The following MAPKBP1 variants were observed in gnomAD, a reference collection of about 807,000 sequenced individuals.
MAPKBP1 encodes the protein mitogen-activated protein kinase-binding protein 1.
MAPKBP1 carries 71 observed loss-of-function variants against 170.5 expected under a neutral mutation model. The observed-to-expected ratio is 0.42, with a 90% CI of 0.34 to 0.51. The LOEUF (loss-of-function observed/expected upper bound fraction) is 0.51. MAPKBP1 is among the 20% of genes least tolerant of loss of function. The pLI, the probability that MAPKBP1 is intolerant of heterozygous loss-of-function variation, is 0.06. For synonymous variants in MAPKBP1, 719 were observed against 757.9 expected (o/e 0.95, Z 0.84); for missense variants, 1,598 against 1,933.0 (o/e 0.83, Z 3.25).
chr15:41,786,530 C>T (rs951278283), intron 2 of MAPKBP1, among the ~76,000 whole-genome samples: 6 of 151,132 alleles, frequency 4.0e-5, no homozygotes, highest in Non-Finnish European at 7.4e-5. Context: ...TTTGGGAGGC[C>T]AAGGCGGGCG....
At chr15:41,821,416 T>C (rs559604607) in intron 23 of MAPKBP1, 168 bp from the exon 24 acceptor site, 4 of 659,224 alleles carry the variant, frequency 6.1e-6, no homozygotes, top group Admixed American at 5.6e-5. Flanking sequence ...GGCTTCTCGA[T>C]GTCTGTCCTT....
At chr15:41,777,178 T>C (rs867270990) in intron 2 of MAPKBP1, among the ~76,000 whole-genome samples, 1 of 151,922 alleles carries the variant, frequency 6.6e-6, no homozygotes, top group South Asian at 2.1e-4. Context: ...TCATCTCTAC[T>C]AAAAATACAA....
chr15:41,818,897 G>T lies in MAPKBP1; in HGVS notation c.2231G>T (p.Arg744Leu). Residue 744 changes from arginine to leucine, a missense_variant, in exon 20 of 31, where the codon CGT becomes CTT. Arg to Leu is a moderately radical substitution (Grantham distance 102). This residue lies in a region of MAPKBP1 where 63 missense variants were observed against 115.2 expected (regional missense o/e 0.55). Coordinates refer to ENST00000457542, the MANE Select transcript of MAPKBP1 (RefSeq NM_014994.3). This position sits in a 1 kb window ranked among gnomAD's most constrained non-coding sequence, Gnocchi z 5.2. ...CAGCGTCTGGCCGAGTTGCGCCAGC[G>T]TCAGCGGGGCGGCAAGCAGCAAGGA... ...MRQRLAELRQRQRGGKQQGPS... is the reference protein window; with the variant it reads ...MRQRLAELRQLQRGGKQQGPS... 1 of 1,614,228 alleles carries T rather than the reference G, an allele frequency of 6.2e-7. No individual in the cohort carries two copies. Among genetic ancestry groups the T allele is most frequent in the Non-Finnish European group, 8.5e-7 (1 of 1,180,048 alleles).
At position 41,818,671 on chromosome 15, in the gene MAPKBP1, G is replaced by A; in HGVS notation, c.2156+89G>A. Reference sequence around the variant, plus strand: ...CTCTCTCCATTTCAGTGATGTCTCTGGGAAGTGGGGTTAACAGGGATAGCT... The same window carrying A: ...CTCTCTCCATTTCAGTGATGTCTCTAGGAAGTGGGGTTAACAGGGATAGCT... On this transcript the variant is annotated intron_variant, in intron 19 of 30. Transcript: ENST00000457542. This position sits in a 1 kb window ranked among gnomAD's most constrained non-coding sequence, Gnocchi z 5.2. The A allele has an allele frequency of 1.3e-6, 2 of 1,504,394 alleles. No individual in the cohort carries two copies. The highest frequency in any genetic ancestry group is 9.1e-7 in the Non-Finnish European group (1 of 1,101,480). The allele number at this position is 1,504,394 out of a possible 1,614,324, so 93.2% of individuals were successfully genotyped here.
At chr15:41,786,777 A>AAAATATATATATATATATATATATATAT in intron 2 of MAPKBP1, among the ~76,000 whole-genome samples, 3 of 32,444 alleles carry the variant, frequency 9.2e-5, no homozygotes, top group Non-Finnish European at 1.7e-4. Flanking sequence ...AAAAAAAAAA[A>AAAATATATATATATATATATATATATAT]ATATATATAT....
intron 27 of MAPKBP1, 36 bp downstream of exon 27, chr15:41,822,713 G>GCTCTC (rs1456285536): frequency 1.9e-6 from 3 of 1,607,206 alleles, no homozygotes; most frequent in African/African-American, 1.3e-5. Flanking sequence ...AGCAGCTCTG[G>GCTCTC]CTCTCCTCGC....
chr15:41,813,203 G>C, intron 8 of MAPKBP1, 102 bp downstream of exon 8: 1 of 1,532,476 alleles, frequency 6.5e-7, no homozygotes, highest in African/African-American at 1.4e-5. Flanking sequence ...TTGTGCATAC[G>C]GGAGATCCCA....
In MAPKBP1 at chr15:41,819,712, C is replaced by T. The variant is rs2064962034; in HGVS notation, c.2481+62C>T. The T allele has an allele frequency of 3.9e-6, 6 of 1,528,680 alleles. No homozygotes were observed. In the South Asian group the frequency reaches 7.2e-5, roughly 18 times the overall value. The allele number at this position is 1,528,680 out of a possible 1,614,324, so 94.7% of individuals were successfully genotyped here. On this transcript the variant is annotated intron_variant, in intron 22 of 30. Transcript: ENST00000457542. ...GAGGAGGCAAAGGGAGCTGTGAGAACAGGGCTCTCTGGGCCTGGTAGGGTA... is the reference window on the plus strand; with the variant it reads ...GAGGAGGCAAAGGGAGCTGTGAGAATAGGGCTCTCTGGGCCTGGTAGGGTA...
In MAPKBP1 at chr15:41,803,917, C is replaced by T. The variant is rs186157231; in HGVS notation, c.206+4003C>T. Among the ~76,000 whole-genome samples, 650 of 152,006 alleles carry T rather than the reference C, an allele frequency of 4.3e-3. 5 individuals carry two copies. The highest frequency in any genetic ancestry group is 0.015 in the African/African-American group (611 of 41,484). ...GTGCAATGGCACGATCTCAGCTCAC[C>T]GCAACCTCCGCCTCCTGGGTTCAAG... On this transcript the variant is annotated intron_variant, in intron 3 of 30. Transcript: ENST00000457542.
Position 41,784,893 on chromosome 15 carries a change from T to TG in MAPKBP1, c.114+9504_114+9505insG, listed in dbSNP as rs1555447810. 1.3e-4 allele frequency among the ~76,000 whole-genome samples: 14 copies of TG among 105,664 alleles called. No homozygotes were observed. The Middle Eastern group carries it at 0.013, about 101-fold the overall frequency. The allele number at this position is 105,664 out of a possible 152,430, so 69.3% of individuals were successfully genotyped here. On this transcript the variant is annotated intron_variant, in intron 2 of 30. Transcript: ENST00000457542. Reference sequence around the variant, plus strand: ...GGGCAACATGGCGAAACCCTATCTGTAAAAAAAAAAAAAAAAAAAAAAAAA... The same window carrying TG: ...GGGCAACATGGCGAAACCCTATCTGTGAAAAAAAAAAAAAAAAAAAAAAAAA...
At chr15:41,816,213 C>G (rs2064888840) in intron 12 of MAPKBP1, 2 of 364,858 alleles carry the variant, frequency 5.5e-6, no homozygotes, top group African/African-American at 2.0e-5. Context: ...CCACAGAAGT[C>G]TAAGGAGAAG....
chr15:41,820,352 T>C (rs370256777), intron 22 of MAPKBP1, among the ~76,000 whole-genome samples: 14 of 151,942 alleles, frequency 9.2e-5, no homozygotes, highest in Admixed American at 2.6e-4. Flanking sequence ...ATTGGAGTGA[T>C]TGGGGTAGAG....
chr15:41,803,362 C>T (rs1408210383), intron 3 of MAPKBP1, among the ~76,000 whole-genome samples: 2 of 138,328 alleles, frequency 1.4e-5, no homozygotes, highest in Admixed American at 8.2e-5. Context: ...TGCAGTGAGC[C>T]GAGATCGTGC....
chr15:41,815,752 C>T lies in MAPKBP1; in HGVS notation c.1446C>T (p.Ser482=). Residue 482 remains serine (S), a synonymous_variant, in exon 12 of 31, where the codon AGC becomes AGT. Coordinates refer to ENST00000457542, the MANE Select transcript of MAPKBP1 (RefSeq NM_014994.3). ...TGGGCATCCGCTCGGTGTGTGTCAG[C>T]CCCAATGGACAGCATCTAGCATCAG... is the stretch of plus-strand genomic sequence containing the variant. ...PRVGIRSVCV[S]PNGQHLASGD... 11 of 1,614,190 alleles carry T rather than the reference C, an allele frequency of 6.8e-6. No individual in the cohort carries two copies. The highest frequency in any genetic ancestry group is 8.5e-6 in the Non-Finnish European group (10 of 1,180,030).
At chr15:41,794,823 G>C (rs866655220) in intron 2 of MAPKBP1, among the ~76,000 whole-genome samples, 1 of 152,170 alleles carries the variant, frequency 6.6e-6, no homozygotes, top group Non-Finnish European at 1.5e-5. Context: ...CATGGACAGA[G>C]ATGTAATCAA....
intron 3 of MAPKBP1, 99 bp downstream of exon 3, chr15:41,800,013 T>C (rs2064562075): frequency 2.1e-6 from 2 of 962,874 alleles, no homozygotes; most frequent in African/African-American, 1.6e-5. Flanking sequence ...TTCTGGAAGA[T>C]AGATACAGGT....
At chr15:41,789,565 T>G (rs1734334876) in intron 2 of MAPKBP1, among the ~76,000 whole-genome samples, 1 of 152,198 alleles carries the variant, frequency 6.6e-6, no homozygotes, top group African/African-American at 2.4e-5. Context: ...CTTCTCCTGC[T>G]TCTGACCCTG....
chr15:41,804,082 T>A (rs2064649406), intron 3 of MAPKBP1, among the ~76,000 whole-genome samples: 1 of 152,224 alleles, frequency 6.6e-6, no homozygotes, highest in Non-Finnish European at 1.5e-5. Flanking sequence ...TTAGGTGATC[T>A]GCCCACATTG....
chr15:41,806,200 T>C (rs551549686), intron 3 of MAPKBP1, among the ~76,000 whole-genome samples: 22 of 152,314 alleles, frequency 1.4e-4, no homozygotes, highest in Admixed American at 2.6e-4. Flanking sequence ...GTGTAAGTTA[T>C]AAGCGTGATT....
Sources: gnomAD v4.1 joint callset for allele counts (sites outside exome capture counted in the v4.1 genomes callset) on GRCh38, gnomAD v4.1.1 for gene constraint, gnomAD v4.1.1 regional missense constraint, Gnocchi (gnomAD v3.1) non-coding constraint, MANE v1.5 for transcripts, NCBI Gene and HGNC (gene_info 2026-07-23, HGNC 2026-07-21) for gene names.